The following NCKAP5 variants were observed in gnomAD, a reference collection of about 807,000 sequenced individuals.
NCKAP5 encodes the protein nck-associated protein 5.
In NCKAP5, 92 loss-of-function variants were observed where a neutral mutation model predicts 167.0. The ratio of observed to expected loss-of-function variants is 0.55; its 90% CI spans 0.47 to 0.66. The LOEUF (loss-of-function observed/expected upper bound fraction) is 0.66. Among genes scored for constraint, NCKAP5 ranks in the 30% least tolerant of loss-of-function variants. NCKAP5 has a pLI of 0.00. For missense variants in NCKAP5, 2,378 were observed against 2,315.0 expected (o/e 1.03, Z -0.56); for synonymous variants, 891 against 877.4 (o/e 1.02, Z -0.27).
At chr2:132,840,976 C>T (rs1252545061) in intron 11 of NCKAP5, among the ~76,000 whole-genome samples, 1 of 152,096 alleles carries the variant, frequency 6.6e-6, no homozygotes, top group Admixed American at 6.6e-5. Context: ...TATAATCTTT[C>T]AAATAATCCA....
At chr2:133,422,183 T>C (rs1689520709) in intron 3 of NCKAP5, among the ~76,000 whole-genome samples, 1 of 152,218 alleles carries the variant, frequency 6.6e-6, no homozygotes, top group Non-Finnish European at 1.5e-5. Context: ...GTGACATCTC[T>C]AATGGACCAG....
intron 3 of NCKAP5, among the ~76,000 whole-genome samples, chr2:133,364,889 T>C (rs914346124): frequency 6.6e-6 from 1 of 152,106 alleles, no homozygotes; most frequent in Admixed American, 6.5e-5. Context: ...TAGCTGGGAC[T>C]GCAGGTACAT....
chr2:133,474,171 C>T (rs1243363394), intron 3 of NCKAP5, among the ~76,000 whole-genome samples: 2 of 151,300 alleles, frequency 1.3e-5, no homozygotes, highest in Admixed American at 6.6e-5. Flanking sequence ...CACACACACA[C>T]ACACACGTAC....
At chr2:132,824,131 A>AAAAC (rs34908560) in intron 11 of NCKAP5, among the ~76,000 whole-genome samples, 83,997 of 151,562 alleles carry the variant, frequency 0.55, 25,388 homozygotes, top group African/African-American at 0.8. Context: ...TTCAGCTGCA[A>AAAAC]AAACAAACAA....
chr2:133,395,237 G>C (rs976127015), intron 3 of NCKAP5, among the ~76,000 whole-genome samples: 2 of 152,232 alleles, frequency 1.3e-5, no homozygotes, highest in Non-Finnish European at 2.9e-5. Flanking sequence ...ACCTGAGAGA[G>C]ATGGATTGGC....
intron 11 of NCKAP5, among the ~76,000 whole-genome samples, chr2:132,839,980 T>G (rs1230129681): frequency 1.3e-5 from 2 of 152,142 alleles, no homozygotes; most frequent in Non-Finnish European, 2.9e-5. Context: ...ATACTATGAC[T>G]CTATACCATC....
At chr2:133,220,647 G>A (rs1344810) in intron 4 of NCKAP5, among the ~76,000 whole-genome samples, 50,169 of 151,944 alleles carry the variant, frequency 0.33, 9,247 homozygotes, top group Non-Finnish European at 0.41. Flanking sequence ...GTTGGCATTC[G>A]TAAAATTCAG....
At chr2:133,515,779 T>C (rs963606321) in intron 3 of NCKAP5, among the ~76,000 whole-genome samples, 10 of 152,354 alleles carry the variant, frequency 6.6e-5, no homozygotes, top group Admixed American at 3.9e-4. Flanking sequence ...ACGATCCCCA[T>C]TGGGGGTTAC....
chr2:133,613,490 T>C, the NCKAP5 span, among the ~76,000 whole-genome samples: 2 of 152,220 alleles, frequency 1.3e-5, no homozygotes, highest in Admixed American at 6.5e-5. Context: ...TGTTTTCACC[T>C]CCATTCAATT....
intron 3 of NCKAP5, among the ~76,000 whole-genome samples, chr2:133,373,653 C>T (rs1376999961): frequency 6.6e-6 from 1 of 152,188 alleles, no homozygotes; most frequent in African/African-American, 2.4e-5. Flanking sequence ...GACCGTCTGA[C>T]TTCAAAATGC....
intron 2 of NCKAP5, among the ~76,000 whole-genome samples, chr2:133,539,756 A>G (rs1202248425): frequency 3.9e-5 from 6 of 152,242 alleles, no homozygotes; most frequent in African/African-American, 1.2e-4. Flanking sequence ...GAAAAGTTGA[A>G]GAGAAAAAAT....
intron 3 of NCKAP5, among the ~76,000 whole-genome samples, chr2:133,515,743 T>A (rs1683928262): frequency 6.6e-6 from 1 of 152,218 alleles, no homozygotes; most frequent in Admixed American, 6.5e-5. Context: ...TGACACTGTT[T>A]CCCTTTTTCC....
At chr2:133,463,657 G>A (rs932412787) in intron 3 of NCKAP5, among the ~76,000 whole-genome samples, 1 of 152,222 alleles carries the variant, frequency 6.6e-6, no homozygotes, top group Non-Finnish European at 1.5e-5. Flanking sequence ...GGGCATCCAA[G>A]GCCAATGCAG....
At chr2:132,754,597 A>ACAG (rs1415245687) in intron 16 of NCKAP5, among the ~76,000 whole-genome samples, 3 of 152,352 alleles carry the variant, frequency 2.0e-5, no homozygotes, top group Admixed American at 1.3e-4. Flanking sequence ...AGGGCAATAA[A>ACAG]CAGCAGCAGA....
chr2:132,928,959 CAAAA>C (rs1696142382), intron 8 of NCKAP5, among the ~76,000 whole-genome samples: 1 of 50,004 alleles, frequency 2.0e-5, no homozygotes, highest in East Asian at 4.9e-4. Context: ...CCTTCTCTAC[CAAAA>C]CAAAACAAAA....
At chr2:133,545,485 T>TA (rs1213224210) in intron 2 of NCKAP5, among the ~76,000 whole-genome samples, 4 of 152,150 alleles carry the variant, frequency 2.6e-5, no homozygotes, top group African/African-American at 9.7e-5. Flanking sequence ...AAAATATGCA[T>TA]ATTTGTTTCC....
At position 133,546,949 on chromosome 2, in the gene NCKAP5, C is replaced by T. The variant is rs1223358596; in HGVS notation, c.-62+12101G>A. The stretch of plus-strand genomic sequence containing the variant: ...CAACACAGAAGACGGGTGATTTCTG[C>T]ATTTCCATCTGAGGTACCGGGTTTA... On this transcript the variant is annotated intron_variant, in intron 2 of 19. Coordinates refer to ENST00000409261, the MANE Select transcript of NCKAP5 (RefSeq NM_207363.3). Among the ~76,000 whole-genome samples the T allele has an allele frequency of 2.0e-5, 3 of 152,158 alleles. No individual in the cohort carries two copies. The East Asian group carries it at 5.8e-4, about 29-fold the overall frequency.
In NCKAP5 at chr2:132,980,946, A is replaced by AT. The variant is rs573574809; in HGVS notation, c.429+13205dup. ...AAGGTTGTAGCAGGAAAGGAATTGT[A>AT]TTCAGGTGACCACTTATAGCAGAAG... On this transcript the variant is annotated intron_variant, in intron 7 of 19. Coordinates refer to ENST00000409261, the MANE Select transcript of NCKAP5 (RefSeq NM_207363.3). Among the ~76,000 whole-genome samples, 347 of 152,342 alleles carry AT rather than the reference A, an allele frequency of 2.3e-3. 3 individuals carry two copies. The highest frequency in any genetic ancestry group is 8.0e-3 in the African/African-American group (331 of 41,588).
rs971924714 is a variant in NCKAP5 at position 133,106,798 on chromosome 2, G to A, written c.341+23180C>T. On this transcript the variant is annotated intron_variant, in intron 6 of 19. Coordinates refer to ENST00000409261, the MANE Select transcript of NCKAP5 (RefSeq NM_207363.3). ...TTTTATTGACTCATAAAATGTTATAGCGAGAAGTTTATTTTAGAAATGAGG... is the reference window on the plus strand; with the variant it reads ...TTTTATTGACTCATAAAATGTTATAACGAGAAGTTTATTTTAGAAATGAGG... 2.0e-5 allele frequency among the ~76,000 whole-genome samples: 3 copies of A among 152,170 alleles called. No homozygotes were observed. In the South Asian group the frequency reaches 6.2e-4, roughly 32 times the overall value.
Sources: allele counts gnomAD v4.1 joint callset (sites outside exome capture counted in the v4.1 genomes callset), GRCh38; gene constraint gnomAD v4.1.1; transcripts MANE v1.5; gene names NCBI Gene and HGNC (gene_info 2026-07-23, HGNC 2026-07-21).